MBNL3: variants seen among roughly 807,000 people sequenced by gnomAD.
MBNL3 encodes the protein muscleblind like splicing regulator 3.
In MBNL3, 6 loss-of-function variants were observed where a neutral mutation model predicts 24.5. The observed-to-expected ratio is 0.25, with a 90% CI of 0.13 to 0.48. MBNL3 has a LOEUF of 0.48. MBNL3 is among the 20% of genes least tolerant of loss of function. MBNL3 has a pLI of 0.99. For synonymous variants in MBNL3, 100 were observed against 101.7 expected (o/e 0.98, Z 0.10); for missense variants, 230 against 293.5 (o/e 0.78, Z 1.58).
At chrX:132,482,098 A>C (rs899384810) in intron 1 of MBNL3, among the ~76,000 whole-genome samples, 2 of 112,446 alleles carry the variant, frequency 1.8e-5, no homozygotes, top group African/African-American at 6.5e-5. Flanking sequence ...GGGAATAGCC[A>C]AAGGCTGGTT....
At chrX:132,489,583 C>T (rs1428497286), upstream of MBNL3, among the ~76,000 whole-genome samples, 20 of 112,212 alleles carry the variant, frequency 1.8e-4, no homozygotes, top group South Asian at 5.7e-3. Flanking sequence ...CGACCCCAGG[C>T]AGCCCGGGCT....
intron 2 of MBNL3, among the ~76,000 whole-genome samples, chrX:132,433,320 G>T (rs1944893549): frequency 8.9e-6 from 1 of 112,239 alleles, no homozygotes; most frequent in Admixed American, 9.4e-5. Context: ...TGTTCCAGGT[G>T]TATACAACAC....
chrX:132,476,229 ATTTATT>A (rs1947432500), intron 1 of MBNL3, among the ~76,000 whole-genome samples: 1 of 110,773 alleles, frequency 9.0e-6, no homozygotes, highest in Non-Finnish European at 1.9e-5. Flanking sequence ...ACATGATTAT[ATTTATT>A]TTTATTTTTT....
chrX:132,405,746 G>A (rs1030096094), intron 3 of MBNL3, among the ~76,000 whole-genome samples: 8 of 107,634 alleles, frequency 7.4e-5, no homozygotes, highest in African/African-American at 2.7e-4. Context: ...GCGTGATGGC[G>A]GGCACCTGTA....
intron 1 of MBNL3, among the ~76,000 whole-genome samples, chrX:132,488,457 C>T (rs373942983): frequency 1.8e-3 from 206 of 111,674 alleles, no homozygotes; most frequent in Middle Eastern, 4.6e-3. Flanking sequence ...GCTGCCCAAA[C>T]GTGTTGACTC....
At chrX:132,439,194 G>A (rs1945274652) in intron 2 of MBNL3, among the ~76,000 whole-genome samples, 1 of 111,135 alleles carries the variant, frequency 9.0e-6, no homozygotes, top group South Asian at 3.8e-4. Flanking sequence ...AGTGGTAAGT[G>A]GTCTTTGGTG....
intron 2 of MBNL3, among the ~76,000 whole-genome samples, chrX:132,436,827 C>T (rs1477944543): frequency 1.8e-5 from 2 of 111,708 alleles, no homozygotes; most frequent in African/African-American, 3.2e-5. Flanking sequence ...ATTGTTTGAA[C>T]GGCTTTACAT....
chrX:132,457,849 C>A (rs1946447413), intron 1 of MBNL3, among the ~76,000 whole-genome samples: 1 of 111,522 alleles, frequency 9.0e-6, no homozygotes, highest in Admixed American at 9.5e-5. Flanking sequence ...GATACTCAAG[C>A]CTCAAACAAC....
chrX:132,413,215 G>A (rs1461635202), intron 2 of MBNL3, among the ~76,000 whole-genome samples: 2 of 111,495 alleles, frequency 1.8e-5, no homozygotes, highest in Admixed American at 1.9e-4. Flanking sequence ...TAGAAGCCAG[G>A]ACAAAGAGGG....
At chrX:132,455,429 G>A (rs1478042958) in intron 1 of MBNL3, among the ~76,000 whole-genome samples, 3 of 112,051 alleles carry the variant, frequency 2.7e-5, no homozygotes, top group Non-Finnish European at 5.6e-5. Flanking sequence ...AAGCGATACG[G>A]ACAATCAAGT....
chrX:132,434,810 G>A (rs1945026050), intron 2 of MBNL3, among the ~76,000 whole-genome samples: 1 of 111,492 alleles, frequency 9.0e-6, no homozygotes, highest in Admixed American at 9.5e-5. Flanking sequence ...AATGCCATGT[G>A]GGATCCCAGA....
chrX:132,405,880 CAAAA>C (rs58288015), intron 3 of MBNL3, among the ~76,000 whole-genome samples: 76 of 32,837 alleles, frequency 2.3e-3, no homozygotes, highest in African/African-American at 6.6e-3. Flanking sequence ...TCTGTCTCAC[CAAAA>C]AAAAAAAAAA....
chrX:132,392,319 T>C lies in MBNL3; in HGVS notation c.358A>G (p.Thr120Ala), dbSNP rs919081689. ...QMSSLGSFPM[T>A]PSIPANPPMA... is the part of the protein sequence containing the mutation. ...GGAGGATTAGCTGGAATTGATGGAG[T>C]CATAGGAAAAGAACCCTGTATGTTT... The change falls in exon 4 of 9, where the codon ACT (threonine) becomes GCT (alanine). Residue 120 changes from threonine (T) to alanine (A), a missense_variant. Transcript: ENST00000370853. The C allele has an allele frequency of 2.5e-6, 3 of 1,196,302 alleles. No homozygotes were observed. The African/African-American group carries it at 5.3e-5, about 21-fold the overall frequency.
Position 132,479,220 on chromosome X carries a change from G to T in MBNL3, c.-704+9631C>A, listed in dbSNP as rs905756296. On this transcript the variant is annotated intron_variant, in intron 1 of 8. Transcript: ENST00000370853. ...GCTGAGATTGTACCACTGCACTCTA[G>T]CCTGGGCGAAAGAGTGAGACTTCAA... Among the ~76,000 whole-genome samples, 3 of 112,037 alleles carry T rather than the reference G, an allele frequency of 2.7e-5. No individual in the cohort carries two copies. The Admixed American group carries it at 2.8e-4, about 11-fold the overall frequency.
chrX:132,440,978 T>C (rs139707462), intron 1 of MBNL3, among the ~76,000 whole-genome samples: 6,004 of 112,426 alleles, frequency 0.053, 142 homozygotes, highest in Middle Eastern at 0.092. Context: ...TTTTCAACAA[T>C]ATTTTCAACA....
intron 1 of MBNL3, among the ~76,000 whole-genome samples, chrX:132,471,616 G>T (rs1396583884): frequency 8.8e-6 from 1 of 113,128 alleles, no homozygotes; most frequent in East Asian, 2.8e-4. Flanking sequence ...CTTCAGCCCA[G>T]GAGTTTGAGG....
intron 1 of MBNL3, among the ~76,000 whole-genome samples, chrX:132,479,409 T>C (rs1278572097): frequency 8.9e-6 from 1 of 112,453 alleles, no homozygotes; most frequent in African/African-American, 3.2e-5. Context: ...CATCTGAGCT[T>C]TCAAAATTTT....
At chrX:132,427,810 C>T in intron 2 of MBNL3, among the ~76,000 whole-genome samples, 1 of 111,722 alleles carries the variant, frequency 9.0e-6, no homozygotes, top group Non-Finnish European at 1.9e-5. Flanking sequence ...TACTACCGTT[C>T]CGTTAGCTAA....
chrX:132,373,190 G>GCTTCTA lies in MBNL3; in HGVS notation c.*6470_*6475dup, dbSNP rs1933789492. The GCTTCTA allele has an allele frequency of 9.0e-6, 1 of 111,192 alleles. No homozygotes were observed. Among genetic ancestry groups the GCTTCTA allele is most frequent in the East Asian group, 2.8e-4 (1 of 3,546 alleles). The allele number at this position is 111,192 out of a possible 1,213,427, so 9.2% of individuals were successfully genotyped here. The stretch of plus-strand genomic sequence containing the variant: ...CTATTCATGGGGTATCTTTTGTGAT[G>GCTTCTA]CTTCTACAGTTATTCCTACTAATTT... On this transcript the variant is annotated 3_prime_UTR_variant, in exon 9 of 9. Transcript: ENST00000370853.
Sources: allele counts gnomAD v4.1 joint callset (sites outside exome capture counted in the v4.1 genomes callset), GRCh38; gene constraint gnomAD v4.1.1; transcripts MANE v1.5; gene names NCBI Gene and HGNC (gene_info 2026-07-23, HGNC 2026-07-21).